NKTR: variants seen among roughly 807,000 people sequenced by gnomAD.
NKTR encodes the protein NK-tumor recognition protein.
NKTR carries 67 observed loss-of-function variants against 156.3 expected under a neutral mutation model. That is an observed-to-expected ratio of 0.43 (90% confidence interval 0.35 to 0.53). The LOEUF (loss-of-function observed/expected upper bound fraction) is 0.53, where lower values mean the gene tolerates loss of function less well. Among genes scored for constraint, NKTR ranks in the 20% least tolerant of loss-of-function variants. NKTR has a pLI of 0.01. For missense variants in NKTR, 1,604 were observed against 1,730.9 expected (o/e 0.93, Z 1.30); for synonymous variants, 640 against 596.6 (o/e 1.07, Z -1.06).
intron 14 of NKTR, 77 bp downstream of exon 14, chr3:42,642,673 T>G (rs1559595529): frequency 3.2e-5 from 32 of 997,326 alleles, no homozygotes; most frequent in South Asian, 5.1e-5. Flanking sequence ...GAGGGGGTAG[T>G]TGTTGAGAAG....
chr3:42,638,087 G>T lies in NKTR; in HGVS notation c.2383G>T (p.Val795Leu), dbSNP rs752400821. The T allele has an allele frequency of 6.2e-7, 1 of 1,614,026 alleles. No homozygotes were observed. Among genetic ancestry groups the T allele is most frequent in the Non-Finnish European group, 8.5e-7 (1 of 1,180,046 alleles). Residue 795 changes from valine (V) to leucine (L), a missense_variant, in exon 13 of 17, where the codon GTG (valine) becomes TTG (leucine). Physicochemically the swap from Val to Leu is conservative, Grantham distance 32 (BLOSUM62 1). Coordinates refer to ENST00000232978, the MANE Select transcript of NKTR (RefSeq NM_005385.4). Reference sequence around the variant, plus strand: ...CAAAGGTAGAGACAGGTCTTCATGTGTGAGAAAGTATAGCGAGAGCAGATC... The same window carrying T: ...CAAAGGTAGAGACAGGTCTTCATGTTTGAGAAAGTATAGCGAGAGCAGATC... ...YVKGRDRSSC[V>L]RKYSESRSSL...
At position 42,637,856 on chromosome 3, in the gene NKTR, A is replaced by G. The variant is rs1244762887; in HGVS notation, c.2152A>G (p.Arg718Gly). ...ACGTAGTCTAGCTAGTTCACATTCA[A>G]GGTCTAGGTCTCCATCATCTAGATC... The part of the protein sequence containing the change: ...RSRSLASSHS[R>G]SRSPSSRSHS... The change falls in exon 13 of 17, where the codon AGG (arginine) becomes GGG (glycine). Residue 718 changes from arginine (R) to glycine (G), a missense_variant. By Grantham distance (125) the Arg-to-Gly change is moderately radical. Coordinates refer to ENST00000232978, the MANE Select transcript of NKTR (RefSeq NM_005385.4). 5 of 1,613,872 alleles carry G rather than the reference A, an allele frequency of 3.1e-6. No homozygotes were observed. Among genetic ancestry groups the G allele is most frequent in the East Asian group, 2.2e-5 (1 of 44,888 alleles).
In NKTR at chr3:42,637,281, A is replaced by G. The variant is rs2125817530; in HGVS notation, c.1577A>G (p.Gln526Arg). 6.2e-7 allele frequency: 1 copy of G among 1,613,932 alleles called. No individual in the cohort carries two copies. Residue 526 changes from glutamine to arginine, a missense_variant, in exon 13 of 17, where the codon CAG becomes CGG. Physicochemically the swap from Gln to Arg is conservative, Grantham distance 43 (BLOSUM62 1). Transcript: ENST00000232978. ...RDSYRSKSHS[Q>R]SYSRGSSRSR... Reference sequence around the variant, plus strand: ...TCATACAGATCAAAATCTCACTCACAGTCTTATTCTAGAGGAAGCTCAAGA... The same window carrying G: ...TCATACAGATCAAAATCTCACTCACGGTCTTATTCTAGAGGAAGCTCAAGA...
Position 42,638,602 on chromosome 3 carries a change from T to G in NKTR, c.2898T>G (p.Asn966Lys), listed in dbSNP as rs1251386644. The change falls in exon 13 of 17, where the codon AAT becomes AAG. Residue 966 changes from asparagine (N) to lysine (K), a missense_variant. By Grantham distance (94) the Asn-to-Lys change is moderately conservative. Transcript: ENST00000232978. ...CTGACTCTGAGGGGTCCTGTTCCAATTCGGAAAACAATAGGGGAAAGCCAC... is the reference window on the plus strand; with the variant it reads ...CTGACTCTGAGGGGTCCTGTTCCAAGTCGGAAAACAATAGGGGAAAGCCAC... Reference protein sequence around the residue: ...STSDSEGSCSNSENNRGKPQK... With the variant: ...STSDSEGSCSKSENNRGKPQK... 1 of 1,613,746 alleles carries G rather than the reference T, an allele frequency of 6.2e-7. No individual in the cohort carries two copies. The highest frequency in any genetic ancestry group is 1.3e-5 in the African/African-American group (1 of 74,932).
At chr3:42,630,947 GA>G (rs1708842865) in intron 7 of NKTR, 2 of 1,404,412 alleles carry the variant, frequency 1.4e-6, no homozygotes, top group African/African-American at 2.9e-5. Context: ...AAATGGTTAA[GA>G]ACCATTGTTT....
Position 42,637,684 on chromosome 3 carries a change from CTCA to C in NKTR, c.1986_1988del (p.Ser663del), listed in dbSNP as rs752157709. ...TAGCAAATATTAAAGAGACTGGTAG[CTCA>C]TCATCCTACCATAAAAGAGAAAAAA... On this transcript the variant is annotated inframe_deletion, in exon 13 of 17. Coordinates refer to ENST00000232978, the MANE Select transcript of NKTR (RefSeq NM_005385.4). The C allele has an allele frequency of 1.9e-6, 3 of 1,613,954 alleles. No homozygotes were observed. The highest frequency in any genetic ancestry group is 2.5e-6 in the Non-Finnish European group (3 of 1,179,946).
intron 2 of NKTR, among the ~76,000 whole-genome samples, chr3:42,611,347 T>C (rs1235050412): frequency 6.6e-6 from 1 of 152,202 alleles, no homozygotes; most frequent in African/African-American, 2.4e-5. Context: ...GCTATTTCCT[T>C]TGTTTTATAT....
intron 9 of NKTR, chr3:42,633,249 C>G (rs1709076473): frequency 3.3e-6 from 2 of 600,808 alleles, no homozygotes; most frequent in African/African-American, 4.0e-5. Context: ...GCTATGTTGA[C>G]CAGGCTGGTC....
chr3:42,640,853 C>T (rs1024482358), intron 13 of NKTR, among the ~76,000 whole-genome samples: 1 of 152,208 alleles, frequency 6.6e-6, no homozygotes, highest in African/African-American at 2.4e-5. Context: ...TTCCTCATGG[C>T]CTTTTCTCTC....
chr3:42,632,522 TA>T (rs1221395186), intron 8 of NKTR, 78 bp from the exon 9 acceptor site: 5 of 808,272 alleles, frequency 6.2e-6, no homozygotes, highest in Non-Finnish European at 9.8e-6. Context: ...TATTTTATGA[TA>T]TTCAGTAATC....
At chr3:42,636,775 G>A in intron 12 of NKTR, 93 bp from the exon 13 acceptor site, 1 of 1,468,208 alleles carries the variant, frequency 6.8e-7, no homozygotes. Context: ...AAGTGTTAAT[G>A]GGGTCAAGAA....
In NKTR at chr3:42,632,728, T is replaced by C. The variant is rs1437515679; in HGVS notation, c.678T>C (p.His226=). ...LEHERSRRRK[H]KRRPKVKRSK... ...ATGAGAGAAGCAGAAGGAGGAAACA[T>C]AAGAGGAGGCCAAAAGTTAAACGTT... Residue 226 remains histidine, a synonymous_variant, in exon 9 of 17, where the codon CAT becomes CAC. Coordinates refer to ENST00000232978, the MANE Select transcript of NKTR (RefSeq NM_005385.4). 1 of 1,613,116 alleles carries C rather than the reference T, an allele frequency of 6.2e-7. No individual in the cohort carries two copies. The highest frequency in any genetic ancestry group is 1.1e-5 in the South Asian group (1 of 90,740).
intron 6 of NKTR, chr3:42,623,672 C>T (rs1708119516): frequency 6.6e-6 from 1 of 152,076 alleles, no homozygotes; most frequent in South Asian, 2.1e-4. Flanking sequence ...GTATGATATG[C>T]TATCTTCAGG....
chr3:42,605,307 TAGTC>T (rs1276094641), intron 2 of NKTR, among the ~76,000 whole-genome samples: 5 of 152,246 alleles, frequency 3.3e-5, no homozygotes, highest in Admixed American at 2.6e-4. Context: ...CAATGTCTTT[TAGTC>T]AGTATGTTTA....
At chr3:42,627,785 ATAAATT>A in intron 6 of NKTR, 1 of 983,892 alleles carries the variant, frequency 1.0e-6, no homozygotes, top group Admixed American at 6.1e-5. Context: ...ATAAGCATAT[ATAAATT>A]TAAACATTTT....
chr3:42,601,284 C>T, intron 2 of NKTR: 1 of 405,034 alleles, frequency 2.5e-6, no homozygotes, highest in Non-Finnish European at 4.5e-6. Context: ...CCACACACCC[C>T]GCTGCATCTC....
chr3:42,643,692 AAAG>A, intron 15 of NKTR: 1 of 683,976 alleles, frequency 1.5e-6, no homozygotes, highest in East Asian at 2.7e-5. Flanking sequence ...TCAATGCAGA[AAAG>A]AAATTAACAT....
At chr3:42,643,634 A>C in intron 15 of NKTR, 1 of 635,778 alleles carries the variant, frequency 1.6e-6, no homozygotes, top group Non-Finnish European at 2.8e-6. Flanking sequence ...ATAATTGCCT[A>C]CAGAGATCCA....
chr3:42,641,349 A>T (rs553523980), intron 13 of NKTR, among the ~76,000 whole-genome samples: 1 of 152,338 alleles, frequency 6.6e-6, no homozygotes, highest in African/African-American at 2.4e-5. Context: ...AACATAGTGC[A>T]TACTGAATAA....
Sources: gnomAD v4.1 joint callset for allele counts (sites outside exome capture counted in the v4.1 genomes callset) on GRCh38, gnomAD v4.1.1 for gene constraint, MANE v1.5 for transcripts, NCBI Gene and HGNC (gene_info 2026-07-23, HGNC 2026-07-21) for gene names.